Variants in YLPM1 observed in about 807,000 individuals in gnomAD.
The protein encoded by YLPM1 is YLP motif-containing protein 1.
YLPM1 carries 99 observed loss-of-function variants against 230.0 expected under a neutral mutation model. That is an observed-to-expected ratio of 0.43 (90% confidence interval 0.37 to 0.51). The LOEUF is 0.51. YLPM1 is among the 20% of genes least tolerant of loss of function. The pLI, the probability that YLPM1 is intolerant of heterozygous loss-of-function variation, is 0.00. For synonymous variants in YLPM1, 984 were observed against 942.5 expected (o/e 1.04, Z -0.81); for missense variants, 2,592 against 2,707.7 (o/e 0.96, Z 0.95).
At chr14:74,797,520 A>C in intron 4 of YLPM1, 60 bp from the exon 5 acceptor site, 1 of 1,360,280 alleles carries the variant, frequency 7.4e-7, no homozygotes. Flanking sequence ...ATATTCTTAC[A>C]TGGAGAATTT....
At chr14:74,804,014 G>A (rs2270432) in intron 6 of YLPM1, among the ~76,000 whole-genome samples, 23,295 of 151,918 alleles carry the variant, frequency 0.15, 1,900 homozygotes, top group South Asian at 0.3. Flanking sequence ...AAAATTAGCC[G>A]GGCGTGGTGG....
At chr14:74,768,833 A>G (rs1379627792) in intron 1 of YLPM1, among the ~76,000 whole-genome samples, 1 of 151,972 alleles carries the variant, frequency 6.6e-6, no homozygotes. Context: ...ACAGAGTGCT[A>G]TGGGATTATA....
rs1323625702 is a variant in YLPM1, at chr14:74,798,193, G to A, written c.2896G>A (p.Glu966Lys). The change falls in exon 5 of 21, where the codon GAG (glutamate) becomes AAG (lysine). Residue 966 changes from glutamate (E) to lysine (K), a missense_variant. Glu to Lys is a moderately conservative substitution (Grantham distance 56). Around this residue, in one of 4 missense-constraint regions of YLPM1, gnomAD observed 1,862 missense variants for 1,819.8 expected, o/e 1.02. Coordinates refer to ENST00000325680, the MANE Select transcript of YLPM1 (RefSeq NM_019589.3). ...TTTTCCTTCAAAAACAGGGGGGATG[G>A]AGGGAGGAACAGCAGTAGCAACATC... ...STFPSKTGGM[E>K]GGTAVATSSL... 3 of 1,613,994 alleles carry A rather than the reference G, an allele frequency of 1.9e-6. No individual in the cohort carries two copies. Among genetic ancestry groups the A allele is most frequent in the South Asian group, 1.1e-5 (1 of 91,088 alleles).
chr14:74,782,248 G>A lies in YLPM1; in HGVS notation c.2205G>A (p.Lys735=). The change falls in exon 4 of 21, where the codon AAG becomes AAA. Residue 735 remains lysine (K), a synonymous_variant. Transcript: ENST00000325680. ...CATCTCAGCCAATCACTGCAGTGAA[G>A]GACATGCCAGTGAGATCAGGTGGCC... ...AAPSQPITAV[K]DMPVRSGGLL... is the part of the protein sequence containing the mutation. 1 of 1,593,730 alleles carries A rather than the reference G, an allele frequency of 6.3e-7. No individual in the cohort carries two copies. The highest frequency in any genetic ancestry group is 1.3e-5 in the African/African-American group (1 of 74,842).
chr14:74,773,653 A>G (rs2091001723), intron 1 of YLPM1, among the ~76,000 whole-genome samples: 1 of 150,674 alleles, frequency 6.6e-6, no homozygotes, highest in Admixed American at 6.6e-5. Flanking sequence ...AAGTGTTTTA[A>G]TGCTACATTA....
intron 2 of YLPM1, among the ~76,000 whole-genome samples, chr14:74,779,424 A>T (rs2091071968): frequency 6.6e-6 from 1 of 152,150 alleles, no homozygotes; most frequent in Admixed American, 6.5e-5. Context: ...TATCATATAG[A>T]GGTATTCAAG....
chr14:74,789,610 T>TC (rs1342807635), intron 4 of YLPM1, among the ~76,000 whole-genome samples: 1 of 151,294 alleles, frequency 6.6e-6, no homozygotes, highest in Non-Finnish European at 1.5e-5. Context: ...TCTTTTCTTT[T>TC]TTTTTTTTTT....
At chr14:74,817,829 C>T (rs970304166) in intron 15 of YLPM1, among the ~76,000 whole-genome samples, 8 of 151,784 alleles carry the variant, frequency 5.3e-5, no homozygotes, top group African/African-American at 1.7e-4. Flanking sequence ...CTGAGGTGGG[C>T]GGATCGCTTG....
intron 11 of YLPM1, 106 bp from the exon 12 acceptor site, chr14:74,816,094 CTGT>C: frequency 1.1e-6 from 1 of 899,950 alleles, no homozygotes; most frequent in South Asian, 1.8e-5. Flanking sequence ...GTTTCATGGC[CTGT>C]TGTATAGTCT....
In YLPM1 at chr14:74,803,997, A is replaced by C. The variant is rs564300369; in HGVS notation, c.4521+1321A>C. Among the ~76,000 whole-genome samples, 302 of 152,194 alleles carry C rather than the reference A, an allele frequency of 2.0e-3. 1 individual carries two copies. The highest frequency in any genetic ancestry group is 6.8e-3 in the Middle Eastern group (2 of 294). On this transcript the variant is annotated intron_variant, in intron 6 of 20. Transcript: ENST00000325680. The stretch of plus-strand genomic sequence containing the variant: ...ACTTGGAGAAACCCCGTCTCTACTA[A>C]AAGTACAAAATTAGCCGGGCGTGGT...
In YLPM1 at chr14:74,809,960, C is replaced by G; in HGVS notation, c.4990C>G (p.Leu1664Val). Residue 1664 changes from leucine (L) to valine (V), a missense_variant, in exon 8 of 21, where the codon CTA (leucine) becomes GTA (valine). This residue lies in a region of YLPM1 where 403 missense variants were observed against 426.7 expected (regional missense o/e 0.94). Coordinates refer to ENST00000325680, the MANE Select transcript of YLPM1 (RefSeq NM_019589.3). ...EQIPYGERITLRPDPLPERST... is the reference protein window; with the variant it reads ...EQIPYGERITVRPDPLPERST... Reference sequence around the variant, plus strand: ...GATACCTTATGGAGAAAGAATAACTCTACGCCCAGATCCACTACCTGAAAG... The same window carrying G: ...GATACCTTATGGAGAAAGAATAACTGTACGCCCAGATCCACTACCTGAAAG... The G allele has an allele frequency of 1.2e-6, 2 of 1,609,724 alleles. No individual in the cohort carries two copies. Among genetic ancestry groups the G allele is most frequent in the Non-Finnish European group, 1.7e-6 (2 of 1,177,694 alleles).
intron 6 of YLPM1, among the ~76,000 whole-genome samples, chr14:74,806,635 A>C (rs2091381135): frequency 6.6e-6 from 1 of 152,152 alleles, no homozygotes; most frequent in African/African-American, 2.4e-5. Context: ...TAACATCTAT[A>C]CTATAGCCTC....
intron 19 of YLPM1, among the ~76,000 whole-genome samples, chr14:74,834,557 G>A (rs1464758768): frequency 8.5e-5 from 13 of 152,166 alleles, no homozygotes. Flanking sequence ...ACTGTGGAAA[G>A]CAGTGATTAT....
intron 1 of YLPM1, among the ~76,000 whole-genome samples, chr14:74,775,812 C>T (rs890699308): frequency 5.3e-5 from 8 of 152,054 alleles, no homozygotes; most frequent in African/African-American, 1.5e-4. Context: ...GATTTTTATA[C>T]GGACTGTTTT....
chr14:74,786,666 A>G (rs188222401), intron 4 of YLPM1, among the ~76,000 whole-genome samples: 38 of 152,332 alleles, frequency 2.5e-4, no homozygotes, highest in Non-Finnish European at 3.4e-4. Context: ...TATGAATATA[A>G]CACAATCTGT....
At chr14:74,810,171 T>C in intron 8 of YLPM1, 54 bp from the exon 9 acceptor site, 1 of 1,561,816 alleles carries the variant, frequency 6.4e-7, no homozygotes, top group Non-Finnish European at 8.7e-7. Context: ...TATAGTTTTC[T>C]GCTTTTATTT....
intron 1 of YLPM1, among the ~76,000 whole-genome samples, chr14:74,765,147 T>C (rs1415869764): frequency 1.3e-5 from 2 of 152,242 alleles, no homozygotes; most frequent in East Asian, 1.9e-4. Context: ...CAGCCATTCT[T>C]ATCCCGCAGA....
At chr14:74,767,128 T>C (rs371571958) in intron 1 of YLPM1, among the ~76,000 whole-genome samples, 30 of 152,234 alleles carry the variant, frequency 2.0e-4, no homozygotes, top group African/African-American at 6.7e-4. Flanking sequence ...ATGATCCAGC[T>C]GCCTTGGCCT....
chr14:74,791,930 A>T (rs2091211106), intron 4 of YLPM1, among the ~76,000 whole-genome samples: 1 of 152,216 alleles, frequency 6.6e-6, no homozygotes, highest in African/African-American at 2.4e-5. Flanking sequence ...CATGTTAATA[A>T]GGTCTCTCAT....
Sources: gnomAD v4.1 joint callset for allele counts (sites outside exome capture counted in the v4.1 genomes callset) on GRCh38, gnomAD v4.1.1 for gene constraint, gnomAD v4.1.1 regional missense constraint, MANE v1.5 for transcripts, NCBI Gene and HGNC (gene_info 2026-07-23, HGNC 2026-07-21) for gene names.